Variants in CASK observed in about 807,000 individuals in gnomAD.
CASK encodes the protein peripheral plasma membrane protein CASK.
Under a neutral mutation model 82.9 loss-of-function variants are expected in CASK, and 4 were observed. The observed-to-expected ratio is 0.05, with a 90% confidence interval of 0.02 to 0.11. The LOEUF is 0.11. Among genes scored for constraint, CASK ranks in the 10% least tolerant of loss-of-function variants. The pLI, the probability that CASK is intolerant of heterozygous loss-of-function variation, is 1.00. For synonymous variants in CASK, 259 were observed against 253.5 expected (o/e 1.02, Z -0.20); for missense variants, 358 against 720.9 (o/e 0.50, Z 5.76).
chrX:41,563,549 T>A (rs1336129503), intron 16 of CASK, among the ~76,000 whole-genome samples: 1 of 108,832 alleles, frequency 9.2e-6, no homozygotes, highest in African/African-American at 3.3e-5. Flanking sequence ...AACAAACCTC[T>A]GGCAAGGTTG....
At chrX:41,713,629 G>C (rs750545983) in intron 5 of CASK, among the ~76,000 whole-genome samples, 1 of 112,252 alleles carries the variant, frequency 8.9e-6, no homozygotes, top group South Asian at 3.7e-4. Context: ...TAATTAACAA[G>C]AGACTGGGGA....
chrX:41,630,389 A>G (rs958083440), intron 9 of CASK, among the ~76,000 whole-genome samples: 1 of 111,730 alleles, frequency 9.0e-6, no homozygotes, highest in African/African-American at 3.2e-5. Flanking sequence ...CAAAAACCAA[A>G]AACCGAATAC....
At chrX:41,893,998 A>G (rs1039766101) in intron 1 of CASK, among the ~76,000 whole-genome samples, 2 of 112,172 alleles carry the variant, frequency 1.8e-5, no homozygotes, top group East Asian at 5.6e-4. Flanking sequence ...TGAGACATTC[A>G]AAGAAACAGG....
At chrX:41,723,003 C>T (rs900097493) in intron 5 of CASK, among the ~76,000 whole-genome samples, 2 of 111,723 alleles carry the variant, frequency 1.8e-5, no homozygotes, top group African/African-American at 3.3e-5. Flanking sequence ...GGCCATGTAA[C>T]CCTGGATGAG....
At chrX:41,911,419 C>A (rs998874462) in intron 1 of CASK, among the ~76,000 whole-genome samples, 1 of 112,284 alleles carries the variant, frequency 8.9e-6, no homozygotes, top group African/African-American at 3.2e-5. Context: ...CATTCTTACA[C>A]CTGACAATGT....
intron 1 of CASK, among the ~76,000 whole-genome samples, chrX:41,862,986 C>T (rs2071522474): frequency 9.0e-6 from 1 of 111,170 alleles, no homozygotes; most frequent in Non-Finnish European, 1.9e-5. Context: ...AATATCCAGG[C>T]AGAGATTTAT....
At chrX:41,647,332 T>A (rs1602405100) in intron 8 of CASK, among the ~76,000 whole-genome samples, 1 of 112,056 alleles carries the variant, frequency 8.9e-6, no homozygotes, top group East Asian at 2.8e-4. Context: ...AGAAGATAAT[T>A]TATCATTAGA....
chrX:41,887,795 C>T, intron 1 of CASK, among the ~76,000 whole-genome samples: 1 of 110,344 alleles, frequency 9.1e-6, no homozygotes, highest in Non-Finnish European at 1.9e-5. Flanking sequence ...AATACAGATG[C>T]CACTTTTCCT....
At chrX:41,772,930 G>A (rs995581981) in intron 3 of CASK, among the ~76,000 whole-genome samples, 1 of 111,936 alleles carries the variant, frequency 8.9e-6, no homozygotes, top group African/African-American at 3.2e-5. Context: ...GAACCCAGGA[G>A]GCGGAAGTTG....
At chrX:41,600,406 T>C (rs2065876937) in intron 12 of CASK, among the ~76,000 whole-genome samples, 1 of 112,517 alleles carries the variant, frequency 8.9e-6, no homozygotes, top group Non-Finnish European at 1.9e-5. Flanking sequence ...GCATATCACA[T>C]TCCTTTCTAG....
intron 2 of CASK, among the ~76,000 whole-genome samples, chrX:41,828,146 A>C (rs2070706732): frequency 8.9e-6 from 1 of 111,970 alleles, no homozygotes; most frequent in Admixed American, 9.5e-5. Context: ...CACATTGTAC[A>C]GGACAGATTT....
intron 3 of CASK, among the ~76,000 whole-genome samples, chrX:41,746,623 T>C (rs2068692168): frequency 8.9e-6 from 1 of 112,113 alleles, no homozygotes; most frequent in Non-Finnish European, 1.9e-5. Context: ...TTAAGGCTTA[T>C]AACATATTTT....
rs2064798277 is a variant in CASK at position 41,531,177 on chromosome X, T to C, written c.2350A>G (p.Asn784Asp). ...GATACAAAGTAATAATTCTTTCCAT[T>C]TTCTTCGTCTTTCTTTGGAGGTCTG... ...TTRPPKKDEE[N>D]GKNYYFVSHD... Residue 784 changes from asparagine to aspartate, a missense_variant, in exon 25 of 27, where the codon AAT becomes GAT. By Grantham distance (23) the Asn-to-Asp change is conservative. This residue lies in a region of CASK where 118 missense variants were observed against 169.4 expected (regional missense o/e 0.70). Transcript: ENST00000378163. The C allele has an allele frequency of 7.4e-6, 9 of 1,210,106 alleles. No individual in the cohort carries two copies. Among genetic ancestry groups the C allele is most frequent in the Non-Finnish European group, 1.0e-5 (9 of 894,116 alleles).
Position 41,517,678 on chromosome X carries a change from GA to G in CASK, c.*2741del, listed in dbSNP as rs756179964. On this transcript the variant is annotated 3_prime_UTR_variant, in exon 27 of 27. Coordinates refer to ENST00000378163, the MANE Select transcript of CASK (RefSeq NM_001367721.1). ...CATTCTGGTCTTTAAAAGAAAGAAA[GA>G]AAAAAAAAGGTTCTGCTGATGGAAT... The G allele has an allele frequency of 4.0e-5, 18 of 454,205 alleles. No individual in the cohort carries two copies. The highest frequency in any genetic ancestry group is 6.1e-4 in the Middle Eastern group (1 of 1,629). The allele number at this position is 454,205 out of a possible 1,213,427, so 37.4% of individuals were successfully genotyped here.
At chrX:41,540,505 GA>G (rs2064933456) in intron 22 of CASK, among the ~76,000 whole-genome samples, 1 of 112,476 alleles carries the variant, frequency 8.9e-6, no homozygotes, top group African/African-American at 3.2e-5. Flanking sequence ...CTGATCTTTA[GA>G]ATTAGAAAAG....
chrX:41,808,235 A>G (rs1051035960), intron 2 of CASK, among the ~76,000 whole-genome samples: 2 of 112,062 alleles, frequency 1.8e-5, no homozygotes, highest in Non-Finnish European at 3.8e-5. Context: ...AGGGACATCC[A>G]AACCATAGCA....
At chrX:41,855,467 G>A (rs2071350277) in intron 1 of CASK, among the ~76,000 whole-genome samples, 1 of 111,450 alleles carries the variant, frequency 9.0e-6, no homozygotes, top group South Asian at 3.7e-4. Flanking sequence ...CCATTAACTG[G>A]AAACTCAGCA....
chrX:41,756,846 T>C (rs1398282956), intron 3 of CASK, among the ~76,000 whole-genome samples: 1 of 112,385 alleles, frequency 8.9e-6, no homozygotes, highest in Non-Finnish European at 1.9e-5. Flanking sequence ...TCAGGCAAGC[T>C]GACTTACAGT....
chrX:41,559,682 G>T, intron 18 of CASK, 97 bp downstream of exon 18: 1 of 725,304 alleles, frequency 1.4e-6, no homozygotes, highest in Non-Finnish European at 2.2e-6. Context: ...AACAGCACAG[G>T]CAGAAACAAT....
Sources: gnomAD v4.1 joint callset for allele counts (sites outside exome capture counted in the v4.1 genomes callset) on GRCh38, gnomAD v4.1.1 for gene constraint, gnomAD v4.1.1 regional missense constraint, MANE v1.5 for transcripts, NCBI Gene and HGNC (gene_info 2026-07-23, HGNC 2026-07-21) for gene names.